Variants in HCRTR1 observed in about 807,000 individuals in gnomAD.
HCRTR1 encodes the protein hypocretin receptor 1.
HCRTR1 carries 28 observed loss-of-function variants against 40.6 expected under a neutral mutation model. The observed-to-expected ratio is 0.69, with a 90% CI of 0.51 to 0.95. HCRTR1 has a LOEUF of 0.95. Among genes scored for constraint, HCRTR1 ranks in the 40% least tolerant of loss-of-function variants. The probability of loss-of-function intolerance (pLI) is 0.00; values close to 1 mark genes in which losing one functional copy is unlikely to be tolerated. For synonymous variants in HCRTR1, 209 were observed against 230.0 expected (o/e 0.91, Z 0.83); for missense variants, 482 against 564.7 (o/e 0.85, Z 1.48).
chr1:31,619,210 C>A lies in HCRTR1; in HGVS notation c.18C>A (p.Thr6=). 6.2e-7 allele frequency: 1 copy of A among 1,612,312 alleles called. No individual in the cohort carries two copies. The highest frequency in any genetic ancestry group is 8.5e-7 in the Non-Finnish European group (1 of 1,179,978). The part of the protein sequence containing the change: MEPSA[T]PGAQMGVPPG... The stretch of plus-strand genomic sequence containing the variant: ...CTGAGCTCATGGAGCCCTCAGCCAC[C>A]CCAGGGGCCCAGATGGGGGTCCCCC... Residue 6 remains threonine (T), a synonymous_variant, in exon 3 of 9, where the codon ACC becomes ACA. Transcript: ENST00000403528.
At chr1:31,624,760 G>T (rs1186170647) in intron 7 of HCRTR1, among the ~76,000 whole-genome samples, 1 of 152,164 alleles carries the variant, frequency 6.6e-6, no homozygotes, top group Non-Finnish European at 1.5e-5. Flanking sequence ...TGGATGGGAA[G>T]CCCCAGGGGA....
downstream of HCRTR1, chr1:31,630,477 T>G (rs1640063606): frequency 5.4e-6 from 5 of 934,294 alleles, no homozygotes; most frequent in Admixed American, 1.1e-4. Context: ...CCACCCTCTT[T>G]TGGAACAGTG....
chr1:31,619,229 G>GT lies in HCRTR1; in HGVS notation c.38dup (p.Gly16TrpfsTer13). The GT allele has an allele frequency of 6.2e-7, 1 of 1,613,280 alleles. No individual in the cohort carries two copies. Among genetic ancestry groups the GT allele is most frequent in the South Asian group, 1.1e-5 (1 of 91,080 alleles). ...AGCCACCCCAGGGGCCCAGATGGGG[G>GT]TCCCCCCTGGCAGCAGAGAGCCGTC... On this transcript the variant is annotated frameshift_variant, in exon 3 of 9. Coordinates refer to ENST00000403528, the MANE Select transcript of HCRTR1 (RefSeq NM_001525.3). LOFTEE classifies it high-confidence loss of function.
chr1:31,628,661 AG>A (rs576390006), downstream of HCRTR1, among the ~76,000 whole-genome samples: 47 of 152,242 alleles, frequency 3.1e-4, no homozygotes, highest in Non-Finnish European at 6.2e-4. Context: ...AAGAAACAAC[AG>A]GCGCTGCTCC....
In HCRTR1 at chr1:31,619,675, G is replaced by C. The variant is rs772997908; in HGVS notation, c.343G>C (p.Gly115Arg). The C allele has an allele frequency of 6.2e-7, 1 of 1,611,352 alleles. No individual in the cohort carries two copies. ...GGACATCACTGAGTCCTGGCTGTTC[G>C]GCCATGCCCTCTGCAAGGTCATCCC... is the stretch of plus-strand genomic sequence containing the variant. ...LVDITESWLF[G>R]HALCKVIPYL... is the part of the protein sequence containing the mutation. The change falls in exon 4 of 9, where the codon GGC becomes CGC. Residue 115 changes from glycine to arginine, a missense_variant. Coordinates refer to ENST00000403528, the MANE Select transcript of HCRTR1 (RefSeq NM_001525.3).
chr1:31,623,791 G>C (rs1445861551), intron 7 of HCRTR1, 42 bp downstream of exon 7: 2 of 1,485,852 alleles, frequency 1.3e-6, no homozygotes, highest in Non-Finnish European at 9.3e-7. Flanking sequence ...GAAGTTTGAG[G>C]TTGGGGAAGG....
downstream of HCRTR1, among the ~76,000 whole-genome samples, chr1:31,634,212 C>T (rs916858824): frequency 2.0e-5 from 3 of 152,130 alleles, no homozygotes; most frequent in Non-Finnish European, 2.9e-5. Flanking sequence ...CCTAAAACAT[C>T]GGTGTCATAG....
chr1:31,623,775 T>TG (rs1196643320), intron 7 of HCRTR1, 26 bp downstream of exon 7: 1 of 1,578,376 alleles, frequency 6.3e-7, no homozygotes, highest in Non-Finnish European at 8.7e-7. Flanking sequence ...ATGGTTGGGG[T>TG]GGGGAGAAGT....
downstream of HCRTR1, chr1:31,629,950 A>G (rs1065370): frequency 6.6e-6 from 1 of 152,332 alleles, no homozygotes; most frequent in East Asian, 1.9e-4. Flanking sequence ...TAAAAAAAGT[A>G]TTGGCAGGGA....
downstream of HCRTR1, among the ~76,000 whole-genome samples, chr1:31,631,290 A>G (rs565974131): frequency 6.6e-6 from 1 of 152,300 alleles, no homozygotes; most frequent in South Asian, 2.1e-4. Context: ...CTATCTTATC[A>G]TCTCTAAAAT....
chr1:31,632,215 A>C, downstream of HCRTR1: 1 of 618,400 alleles, frequency 1.6e-6, no homozygotes, highest in Non-Finnish European at 2.9e-6. Flanking sequence ...TAAGGTGCCA[A>C]GTTTCCATCC....
At chr1:31,630,811 G>C, downstream of HCRTR1, 1 of 1,612,184 alleles carries the variant, frequency 6.2e-7, no homozygotes, top group Non-Finnish European at 8.5e-7. Flanking sequence ...GGGTGAACTG[G>C]GGGCTCAGGT....
intron 6 of HCRTR1, 75 bp from the exon 7 acceptor site, chr1:31,623,448 A>T: frequency 7.7e-7 from 1 of 1,292,034 alleles, no homozygotes; most frequent in East Asian, 2.5e-5. Flanking sequence ...TCCAGCCTGG[A>T]GTAGGCCCCA....
chr1:31,633,511 C>A (rs1640173469), downstream of HCRTR1, among the ~76,000 whole-genome samples: 1 of 152,200 alleles, frequency 6.6e-6, no homozygotes, highest in Non-Finnish European at 1.5e-5. Context: ...GATTTCTATT[C>A]CATGAGTCCT....
At position 31,627,451 on chromosome 1, in the gene HCRTR1, T is replaced by A; in HGVS notation, c.*471T>A. Reference sequence around the variant, plus strand: ...TGTGAACTAATCTGGGCCCAGCCTTTCTCCAGCGGGCCACGAGCACAGCCC... The same window carrying A: ...TGTGAACTAATCTGGGCCCAGCCTTACTCCAGCGGGCCACGAGCACAGCCC... On this transcript the variant is annotated 3_prime_UTR_variant, in exon 9 of 9. Transcript: ENST00000403528. 1 of 983,130 alleles carries A rather than the reference T, an allele frequency of 1.0e-6. No individual in the cohort carries two copies. The highest frequency in any genetic ancestry group is 1.4e-6 in the Non-Finnish European group (1 of 708,568). 60.9% of individuals were successfully genotyped at this position (983,130 alleles called of 1,614,324 possible).
At chr1:31,629,637 G>T (rs1002366476), downstream of HCRTR1, among the ~76,000 whole-genome samples, 1 of 152,194 alleles carries the variant, frequency 6.6e-6, no homozygotes, top group African/African-American at 2.4e-5. Flanking sequence ...CTATGAAATA[G>T]CTTCCTAAAT....
Position 31,620,885 on chromosome 1 carries a change from G to A in HCRTR1, c.421G>A (p.Ala141Thr), listed in dbSNP as rs757082425. The A allele has an allele frequency of 9.3e-6, 15 of 1,614,010 alleles. No individual in the cohort carries two copies. The highest frequency in any genetic ancestry group is 3.3e-5 in the Admixed American group (2 of 60,004). ...SVAVLTLSFI[A>T]LDRWYAICHP... ...GGCAGTGCTAACTCTCAGCTTCATCGCCCTGGACCGCTGGTATGCCATCTG... is the reference window on the plus strand; with the variant it reads ...GGCAGTGCTAACTCTCAGCTTCATCACCCTGGACCGCTGGTATGCCATCTG... Residue 141 changes from alanine (A) to threonine (T), a missense_variant, in exon 5 of 9, where the codon GCC becomes ACC. Physicochemically the swap from Ala to Thr is moderately conservative, Grantham distance 58. Transcript: ENST00000403528.
In HCRTR1 at chr1:31,618,900, G is replaced by A; in HGVS notation, c.-143+84G>A. The A allele has an allele frequency of 6.9e-6, 3 of 434,788 alleles. No individual in the cohort carries two copies. In the South Asian group the frequency reaches 7.9e-5, roughly 11 times the overall value. 26.9% of individuals were successfully genotyped at this position (434,788 alleles called of 1,614,324 possible). A position where few individuals can be genotyped will look rare whatever the true frequency, so the allele number is the denominator to read the frequency against. Reference sequence around the variant, plus strand: ...GTAAGCTACCCAAGGCAACTGGTGTGGAATTGGGATGCAACCCAGGTCTGT... The same window carrying A: ...GTAAGCTACCCAAGGCAACTGGTGTAGAATTGGGATGCAACCCAGGTCTGT... On this transcript the variant is annotated intron_variant, in intron 2 of 8. Transcript: ENST00000403528.
intron 5 of HCRTR1, 127 bp from the exon 6 acceptor site, chr1:31,621,350 T>C (rs1639851904): frequency 2.4e-6 from 2 of 836,836 alleles, no homozygotes; most frequent in Non-Finnish European, 4.0e-6. Flanking sequence ...TCTGTCATGG[T>C]GGCTGTATGG....
Sources: gnomAD v4.1 joint callset for allele counts (sites outside exome capture counted in the v4.1 genomes callset) on GRCh38, gnomAD v4.1.1 for gene constraint, MANE v1.5 for transcripts, NCBI Gene and HGNC (gene_info 2026-07-23, HGNC 2026-07-21) for gene names.